BBS7: variants seen among roughly 807,000 people sequenced by gnomAD.
BBS7 encodes Bardet-Biedl syndrome 7.
In BBS7, 50 loss-of-function variants were observed where a neutral mutation model predicts 90.3. That is an observed-to-expected ratio of 0.55 (90% CI 0.44 to 0.70). The LOEUF is 0.70. Ranked by LOEUF, BBS7 falls within the 30% of genes least tolerant of loss-of-function variation. The probability of loss-of-function intolerance (pLI) is 0.00; values close to 1 mark genes in which losing one functional copy is unlikely to be tolerated. For missense variants in BBS7, 729 were observed against 838.9 expected (o/e 0.87, Z 1.62); for synonymous variants, 235 against 287.4 (o/e 0.82, Z 1.85).
Position 121,870,420 on chromosome 4 carries a change from A to T in BBS7, c.-107T>A. 2 of 1,348,544 alleles carry T rather than the reference A, an allele frequency of 1.5e-6. No homozygotes were observed. Among genetic ancestry groups the T allele is most frequent in the South Asian group, 1.2e-5 (1 of 83,420 alleles). The allele number at this position is 1,348,544 out of a possible 1,614,324, so 83.5% of individuals were successfully genotyped here. On this transcript the variant is annotated 5_prime_UTR_variant, in exon 1 of 19. Coordinates refer to ENST00000264499, the MANE Select transcript of BBS7 (RefSeq NM_176824.3). ...TCAGAAGGCTGCCCGCGCCCCTCAA[A>T]AGCCAGCCCCAGCTACCGCGCCTAG...
chr4:121,835,725 C>T (rs1725419347), intron 13 of BBS7, among the ~76,000 whole-genome samples: 1 of 152,054 alleles, frequency 6.6e-6, no homozygotes, highest in South Asian at 2.1e-4. Context: ...GATTTTTAAA[C>T]AGTAATAAGC....
At chr4:121,836,968 G>T (rs1460926851) in intron 13 of BBS7, among the ~76,000 whole-genome samples, 3 of 149,510 alleles carry the variant, frequency 2.0e-5, no homozygotes, top group African/African-American at 4.9e-5. Flanking sequence ...GGTTTTTTTT[G>T]TTTTTTTTTG....
rs371449601 is a variant in BBS7 at position 121,825,871 on chromosome 4, C to A, written c.2137G>T (p.Asp713Tyr). 1.9e-6 allele frequency: 3 copies of A among 1,612,990 alleles called. No individual in the cohort carries two copies. Among genetic ancestry groups the A allele is most frequent in the Non-Finnish European group, 2.5e-6 (3 of 1,179,552 alleles). The change falls in exon 19 of 19, where the codon GAT (aspartate) becomes TAT (tyrosine). Residue 713 changes from aspartate to tyrosine, a missense_variant. Transcript: ENST00000264499. The stretch of plus-strand genomic sequence containing the variant: ...ACCTTATTTGTATGTCATGCTGCAT[C>A]GAAGAATGAAATCAATGCATTTTGG... ...YDQNALISFF[D>Y]AA
chr4:121,833,401 A>G lies in BBS7; in HGVS notation c.1512-6T>C. The G allele has an allele frequency of 6.2e-7, 1 of 1,613,674 alleles. No individual in the cohort carries two copies. The highest frequency in any genetic ancestry group is 8.5e-7 in the Non-Finnish European group (1 of 1,179,616). On this transcript the variant is annotated splice_polypyrimidine_tract_variant and splice_region_variant and intron_variant, in intron 14 of 18. Coordinates refer to ENST00000264499, the MANE Select transcript of BBS7 (RefSeq NM_176824.3). The stretch of plus-strand genomic sequence containing the variant: ...GGGTCAGTGTATTCATGGGTCTGTA[A>G]TATAATAGTAGAGGCGCACATTTAT...
At position 121,855,504 on chromosome 4, in the gene BBS7, G is replaced by T; in HGVS notation, c.586C>A (p.His196Asn). The T allele has an allele frequency of 6.2e-7, 1 of 1,613,392 alleles. No individual in the cohort carries two copies. The highest frequency in any genetic ancestry group is 1.1e-5 in the South Asian group (1 of 91,070). Residue 196 changes from histidine (H) to asparagine (N), a missense_variant, in exon 6 of 19, where the codon CAC (histidine) becomes AAC (asparagine). Coordinates refer to ENST00000264499, the MANE Select transcript of BBS7 (RefSeq NM_176824.3). The part of the protein sequence containing the change: ...VPGPPTVLAL[H>N]NGNGGDSGED... The stretch of plus-strand genomic sequence containing the variant: ...TCCTGATTACCGCCATTTCCATTGT[G>T]TAGTGCTAAGACAGTAGGGGGTCCA...
intron 3 of BBS7, 148 bp from the exon 4 acceptor site, chr4:121,861,827 T>C: frequency 1.3e-6 from 1 of 761,454 alleles, no homozygotes. Flanking sequence ...TCTATATACT[T>C]CAGCAGGTCT....
At chr4:121,852,213 G>GT (rs1726359687) in intron 8 of BBS7, among the ~76,000 whole-genome samples, 1 of 152,262 alleles carries the variant, frequency 6.6e-6, no homozygotes, top group East Asian at 1.9e-4. Flanking sequence ...CTGAACTGCA[G>GT]TTAAAGTTAG....
intron 2 of BBS7, among the ~76,000 whole-genome samples, chr4:121,866,339 T>TTTTTG (rs997590747): frequency 6.6e-6 from 1 of 152,082 alleles, no homozygotes; most frequent in Admixed American, 6.6e-5. Context: ...CTTTTTTTGT[T>TTTTTG]TTTTGTTTTG....
At chr4:121,828,066 C>A in intron 18 of BBS7, 80 bp downstream of exon 18, 1 of 1,587,934 alleles carries the variant, frequency 6.3e-7, no homozygotes. Flanking sequence ...TATCTTTCTG[C>A]CCAGCTTCTC....
At chr4:121,834,375 T>C (rs1477199387) in intron 14 of BBS7, among the ~76,000 whole-genome samples, 4 of 152,238 alleles carry the variant, frequency 2.6e-5, no homozygotes, top group Non-Finnish European at 5.9e-5. Context: ...GAGTCTGTTC[T>C]CTTAAATGTT....
chr4:121,849,028 C>A, intron 8 of BBS7, 100 bp from the exon 9 acceptor site: 5 of 797,012 alleles, frequency 6.3e-6, no homozygotes, highest in East Asian at 2.7e-5. Context: ...AGACATTCAA[C>A]ATATATTTAC....
At chr4:121,826,056 A>T (rs888323978) in intron 18 of BBS7, 63 bp from the exon 19 acceptor site, 62 of 1,352,538 alleles carry the variant, frequency 4.6e-5, no homozygotes, top group Non-Finnish European at 6.1e-5. Flanking sequence ...ACAGTATTTC[A>T]CTAAAGTAAT....
At chr4:121,863,602 T>C (rs1727102397) in intron 2 of BBS7, among the ~76,000 whole-genome samples, 1 of 152,200 alleles carries the variant, frequency 6.6e-6, no homozygotes, top group South Asian at 2.1e-4. Flanking sequence ...GAAGGTATAC[T>C]GCCAGACAAC....
At position 121,861,823 on chromosome 4, in the gene BBS7, T is replaced by C. The variant is rs183623505; in HGVS notation, c.166-144A>G. On this transcript the variant is annotated intron_variant, in intron 3 of 18. Coordinates refer to ENST00000264499, the MANE Select transcript of BBS7 (RefSeq NM_176824.3). ...AAATAATTTTAGATAATAATCTATA[T>C]ACTTCAGCAGGTCTTCAGGTTTTTT... 5.2e-4 allele frequency: 417 copies of C among 800,160 alleles called. 3 individuals carry two copies. The highest frequency in any genetic ancestry group is 3.6e-5 in the Non-Finnish European group (18 of 504,702). 49.6% of individuals were successfully genotyped at this position (800,160 alleles called of 1,614,324 possible). A position where few individuals can be genotyped will look rare whatever the true frequency, so the allele number is the denominator to read the frequency against.
At chr4:121,865,804 G>A (rs146586371) in intron 2 of BBS7, among the ~76,000 whole-genome samples, 23 of 152,312 alleles carry the variant, frequency 1.5e-4, no homozygotes, top group Non-Finnish European at 3.4e-4. Context: ...GTTCACTATA[G>A]TGGATGTACT....
At chr4:121,836,997 T>C (rs920035052) in intron 13 of BBS7, among the ~76,000 whole-genome samples, 2 of 151,770 alleles carry the variant, frequency 1.3e-5, no homozygotes, top group South Asian at 4.2e-4. Flanking sequence ...TCTCACTCCA[T>C]TGCCCAAGCT....
chr4:121,868,657 G>A (rs1366122735), intron 1 of BBS7, among the ~76,000 whole-genome samples: 2 of 121,684 alleles, frequency 1.6e-5, no homozygotes, highest in African/African-American at 3.2e-5. Context: ...CTCCAGACTG[G>A]CTGCGTGACA....
At position 121,839,688 on chromosome 4, in the gene BBS7, G is replaced by A. The variant is rs774070535; in HGVS notation, c.1314C>T (p.Asp438=). ...ACCGATAAGTGGCAAGAAGGAAGTT[G>A]TCGTTTGACTGGGAAGAATACAAAG... The part of the protein sequence containing the change: ...SFSSCDSESN[D]NFLLATYRCQ... Residue 438 remains aspartate, a synonymous_variant, in exon 13 of 19, where the codon GAC becomes GAT. Transcript: ENST00000264499. 3.7e-6 allele frequency: 6 copies of A among 1,613,454 alleles called. No individual in the cohort carries two copies. The African/African-American group carries it at 6.7e-5, about 18-fold the overall frequency.
intron 15 of BBS7, among the ~76,000 whole-genome samples, chr4:121,829,452 G>A (rs571141205): frequency 2.6e-5 from 4 of 152,232 alleles, no homozygotes; most frequent in African/African-American, 9.6e-5. Flanking sequence ...TGGCCAGGAT[G>A]GTCTCGATCT....
Sources: gnomAD v4.1 joint callset for allele counts (sites outside exome capture counted in the v4.1 genomes callset) on GRCh38, gnomAD v4.1.1 for gene constraint, MANE v1.5 for transcripts, NCBI Gene and HGNC (gene_info 2026-07-23, HGNC 2026-07-21) for gene names.